The following SMARCD1 variants were observed in gnomAD, a reference collection of about 807,000 sequenced individuals.
SMARCD1 encodes the protein SWI/SNF related BAF chromatin remodeling complex subunit D1, also known as SWI/SNF-related matrix-associated actin-dependent regulator of chromatin subfamily D member 1.
A neutral mutation model predicts 70.8 loss-of-function variants in SMARCD1; 16 were observed. The observed-to-expected ratio is 0.23, with a 90% confidence interval of 0.15 to 0.34. The LOEUF (loss-of-function observed/expected upper bound fraction) is 0.34. Among genes scored for constraint, SMARCD1 ranks in the 10% least tolerant of loss-of-function variants. SMARCD1 has a pLI of 1.00. For synonymous variants in SMARCD1, 249 were observed against 246.0 expected (o/e 1.01, Z -0.11); for missense variants, 409 against 655.5 (o/e 0.62, Z 4.11).
intron 2 of SMARCD1, 131 bp downstream of exon 2, chr12:50,086,479 T>TTGGTGGTGGTGGCGGTGG (rs1950791553): frequency 1.3e-6 from 1 of 747,284 alleles, no homozygotes. Flanking sequence ...TTGAGAATGC[T>TTGGTGGTGGTGGCGGTGG]TGGTGGTGGT....
chr12:50,097,257 C>T (rs1026136385), intron 11 of SMARCD1, among the ~76,000 whole-genome samples: 1 of 152,168 alleles, frequency 6.6e-6, no homozygotes, highest in Non-Finnish European at 1.5e-5. Context: ...TCTGAAGAAA[C>T]TAGGCTAGTA....
chr12:50,086,253 C>T lies in SMARCD1; in HGVS notation c.270C>T (p.Gly90=), dbSNP rs1192618557. The change falls in exon 2 of 13, where the codon GGC becomes GGT. Residue 90 remains glycine, a synonymous_variant. Coordinates refer to ENST00000394963, the MANE Select transcript of SMARCD1 (RefSeq NM_003076.5). ...GYGGNPSVRP[G]LAQSGMDQSR... is the part of the protein sequence containing the mutation. ...GGGGGAACCCTTCAGTCCGACCTGG[C>T]CTGGCCCAGTCAGGGATGGATCAGT... 1.2e-6 allele frequency: 2 copies of T among 1,613,602 alleles called. No individual in the cohort carries two copies. The highest frequency in any genetic ancestry group is 4.5e-5 in the East Asian group (2 of 44,876).
In SMARCD1 at chr12:50,086,163, A is replaced by G; in HGVS notation, c.180A>G (p.Arg60=). ...RSPMPGAAYP[R]PGMLPGSRMT... The stretch of plus-strand genomic sequence containing the variant: ...TCTGGGTCCTCTCCCCTCTGTAGAG[A>G]CCAGGTATGTTGCCAGGCAGCCGAA... The change falls in exon 2 of 13, where the codon AGA becomes AGG. Residue 60 remains arginine (R), a splice_region_variant and synonymous_variant. Transcript: ENST00000394963. The G allele has an allele frequency of 6.4e-7, 1 of 1,553,490 alleles. No individual in the cohort carries two copies. The highest frequency in any genetic ancestry group is 8.7e-7 in the Non-Finnish European group (1 of 1,146,620).
In SMARCD1 at chr12:50,086,172, G is replaced by A. The variant is rs759423387; in HGVS notation, c.189G>A (p.Met63Ile). The A allele has an allele frequency of 5.1e-6, 8 of 1,562,834 alleles. No homozygotes were observed. In the East Asian group the frequency reaches 1.6e-4, roughly 31 times the overall value. ...MPGAAYPRPG[M>I]LPGSRMTPQG... ...TCTCCCCTCTGTAGAGACCAGGTATGTTGCCAGGCAGCCGAATGACACCTC... is the reference window on the plus strand; with the variant it reads ...TCTCCCCTCTGTAGAGACCAGGTATATTGCCAGGCAGCCGAATGACACCTC... The change falls in exon 2 of 13, where the codon ATG becomes ATA. Residue 63 changes from methionine to isoleucine, a missense_variant. Met to Ile is a conservative substitution (Grantham distance 10). Around this residue, in one of 2 missense-constraint regions of SMARCD1, gnomAD observed 140 missense variants for 156.9 expected, o/e 0.89. Coordinates refer to ENST00000394963, the MANE Select transcript of SMARCD1 (RefSeq NM_003076.5).
chr12:50,098,528 C>G (rs916420068), intron 11 of SMARCD1, 186 bp from the exon 12 acceptor site: 2 of 599,528 alleles, frequency 3.3e-6, no homozygotes, highest in Admixed American at 2.9e-5. Flanking sequence ...ACTCTAATGA[C>G]CTCATCTTAA....
chr12:50,098,066 G>C (rs1343859604), intron 11 of SMARCD1, among the ~76,000 whole-genome samples: 1 of 152,102 alleles, frequency 6.6e-6, no homozygotes, highest in African/African-American at 2.4e-5. Context: ...GATAGGAATG[G>C]GCACAGAGTA....
intron 5 of SMARCD1, chr12:50,088,237 T>G: frequency 1.4e-6 from 1 of 702,038 alleles, no homozygotes; most frequent in Non-Finnish European, 2.6e-6. Context: ...ACTCGCTTAG[T>G]TATGTGCAAT....
intron 10 of SMARCD1, among the ~76,000 whole-genome samples, chr12:50,095,166 G>C (rs1314774181): frequency 6.6e-6 from 1 of 152,198 alleles, no homozygotes; most frequent in Non-Finnish European, 1.5e-5. Context: ...ACTTGAGACT[G>C]TATCTGGCAC....
At chr12:50,097,698 C>G (rs1245774611) in intron 11 of SMARCD1, among the ~76,000 whole-genome samples, 1 of 151,710 alleles carries the variant, frequency 6.6e-6, no homozygotes, top group East Asian at 1.9e-4. Context: ...TTGAGACTAG[C>G]CTGGCCAACA....
intron 10 of SMARCD1, 93 bp from the exon 11 acceptor site, chr12:50,096,757 G>A: frequency 8.4e-7 from 1 of 1,188,168 alleles, no homozygotes. Context: ...TGACTAGGTT[G>A]GAAGTGGCAT....
In SMARCD1 at chr12:50,099,405, C is replaced by A; in HGVS notation, c.*405C>A. ...GGGAGCTTTCGCTCCTTCTCCAAGACTCAGGCCTGTGGGCACTCTATAAGC... is the reference window on the plus strand; with the variant it reads ...GGGAGCTTTCGCTCCTTCTCCAAGAATCAGGCCTGTGGGCACTCTATAAGC... On this transcript the variant is annotated 3_prime_UTR_variant, in exon 13 of 13. Transcript: ENST00000394963. The A allele has an allele frequency of 2.2e-6, 1 of 452,842 alleles. No homozygotes were observed. The highest frequency in any genetic ancestry group is 3.9e-6 in the Non-Finnish European group (1 of 257,764). The allele number at this position is 452,842 out of a possible 1,614,324, so 28.1% of individuals were successfully genotyped here.
chr12:50,090,092 C>G, intron 7 of SMARCD1, 107 bp downstream of exon 7: 2 of 1,303,638 alleles, frequency 1.5e-6, no homozygotes, highest in African/African-American at 2.9e-5. Context: ...CACTTTGGCA[C>G]AGAGATAGAG....
At chr12:50,086,080 C>G in intron 1 of SMARCD1, 81 bp from the exon 2 acceptor site, 1 of 1,106,030 alleles carries the variant, frequency 9.0e-7, no homozygotes, top group Non-Finnish European at 1.3e-6. Flanking sequence ...ATTCAAAGAT[C>G]TCAGGCGTTC....
At chr12:50,094,415 G>T (rs773195279) in intron 9 of SMARCD1, 22 bp from the exon 10 acceptor site, 1 of 1,609,926 alleles carries the variant, frequency 6.2e-7, no homozygotes, top group Non-Finnish European at 8.5e-7. Flanking sequence ...TCTTTACCAG[G>T]CTCCTTTGGT....
chr12:50,085,578 C>T (rs1247644313), intron 1 of SMARCD1, 32 bp downstream of exon 1: 21 of 916,134 alleles, frequency 2.3e-5, no homozygotes, highest in Non-Finnish European at 2.3e-5. Flanking sequence ...GCGCGCGGGC[C>T]GGGGGCGGGG....
chr12:50,099,155 CCT>C lies in SMARCD1; in HGVS notation c.*156_*157del. ...AGAATGAAGAGGGTCTCACAAGACACCTGTTATCCTCTTCTTTCACCCTATCT... is the reference window on the plus strand; with the variant it reads ...AGAATGAAGAGGGTCTCACAAGACACGTTATCCTCTTCTTTCACCCTATCT... On this transcript the variant is annotated 3_prime_UTR_variant, in exon 13 of 13. Coordinates refer to ENST00000394963, the MANE Select transcript of SMARCD1 (RefSeq NM_003076.5). The C allele has an allele frequency of 1.5e-6, 1 of 670,026 alleles. No homozygotes were observed. The highest frequency in any genetic ancestry group is 1.8e-5 in the African/African-American group (1 of 55,840). 41.5% of individuals were successfully genotyped at this position (670,026 alleles called of 1,614,324 possible).
At chr12:50,092,015 C>G (rs955943180) in intron 9 of SMARCD1, among the ~76,000 whole-genome samples, 2 of 152,178 alleles carry the variant, frequency 1.3e-5, no homozygotes, top group Non-Finnish European at 2.9e-5. Context: ...CATCTTTTCT[C>G]TGGATGGTAC....
At position 50,086,343 on chromosome 12, in the gene SMARCD1, C is replaced by T; in HGVS notation, c.360C>T (p.Asn120=). The part of the protein sequence containing the change: ...QVQQQAVQNR[N]HNAKKKKMAD... ...AGCAGCAGGCGGTCCAAAATCGAAA[C>T]CACAAGTAAGATGATCCTGGGGCAG... The change falls in exon 2 of 13, where the codon AAC becomes AAT. Residue 120 remains asparagine, a synonymous_variant. Coordinates refer to ENST00000394963, the MANE Select transcript of SMARCD1 (RefSeq NM_003076.5). 1 of 1,590,644 alleles carries T rather than the reference C, an allele frequency of 6.3e-7. No homozygotes were observed. The highest frequency in any genetic ancestry group is 8.6e-7 in the Non-Finnish European group (1 of 1,167,658).
chr12:50,098,852 G>A lies in SMARCD1; in HGVS notation c.1494+37G>A, dbSNP rs1950915268. 6 of 1,607,084 alleles carry A rather than the reference G, an allele frequency of 3.7e-6. No individual in the cohort carries two copies. The East Asian group carries it at 1.1e-4, about 30-fold the overall frequency. On this transcript the variant is annotated intron_variant, in intron 12 of 12. Coordinates refer to ENST00000394963, the MANE Select transcript of SMARCD1 (RefSeq NM_003076.5). ...GGGTGCACGGGGGAAATTGACAAAA[G>A]GCACGGGGTTTTCACCCCTGATGGG...
Sources: allele counts gnomAD v4.1 joint callset (sites outside exome capture counted in the v4.1 genomes callset), GRCh38; gene constraint gnomAD v4.1.1; regional missense constraint gnomAD v4.1.1; transcripts MANE v1.5; gene names NCBI Gene and HGNC (gene_info 2026-07-23, HGNC 2026-07-21).